The following CSMD1 variants were observed in gnomAD, a reference collection of about 807,000 sequenced individuals.
CSMD1 encodes the protein CUB and sushi domain-containing protein 1.
In CSMD1, 213 loss-of-function variants were observed where a neutral mutation model predicts 417.5. The observed-to-expected ratio is 0.51, with a 90% CI of 0.46 to 0.57. The LOEUF (loss-of-function observed/expected upper bound fraction) is 0.57, where lower values mean the gene tolerates loss of function less well. CSMD1 is among the 20% of genes least tolerant of loss of function. CSMD1 has a pLI of 0.00. For missense variants in CSMD1, 6,923 were observed against 4,529.7 expected, an observed-to-expected ratio of 1.53 and a Z score of -15.17; for synonymous variants, 2,862 against 1,736.8, an observed-to-expected ratio of 1.65 and a Z score of -16.11.
At chr8:3,962,025 T>G (rs184988141) in intron 5 of CSMD1, among the ~76,000 whole-genome samples, 2 of 152,286 alleles carry the variant, frequency 1.3e-5, no homozygotes, top group East Asian at 3.9e-4. Context: ...GTCATCTTAT[T>G]TCCTCAGAGT....
At position 3,637,330 on chromosome 8, in the gene CSMD1, A is replaced by G. The variant is rs190842371; in HGVS notation, c.1010-20533T>C. Among the ~76,000 whole-genome samples, 21 of 152,240 alleles carry G rather than the reference A, an allele frequency of 1.4e-4. No individual in the cohort carries two copies. In the East Asian group the frequency reaches 3.9e-3, roughly 28 times the overall value. Reference sequence around the variant, plus strand: ...AAACAATCTATGTCTAAGATCCTTTATCTGTAGAATGTGGATTCTTATGAG... The same window carrying G: ...AAACAATCTATGTCTAAGATCCTTTGTCTGTAGAATGTGGATTCTTATGAG... On this transcript the variant is annotated intron_variant, in intron 7 of 69. Transcript: ENST00000635120.
At position 3,614,251 on chromosome 8, in the gene CSMD1, A is replaced by G. The variant is rs1299349191; in HGVS notation, c.1097+2459T>C. ...TCCCAAAAAACTAGGAAAGTGACAG[A>G]TTGAAATTCTCTTCTGAGATAAGAT... On this transcript the variant is annotated intron_variant, in intron 8 of 69. Transcript: ENST00000635120. Among the ~76,000 whole-genome samples the G allele has an allele frequency of 3.3e-5, 5 of 152,130 alleles. No homozygotes were observed. The East Asian group carries it at 7.7e-4, about 24-fold the overall frequency.
chr8:4,337,442 T>C (rs192840113), intron 3 of CSMD1, among the ~76,000 whole-genome samples: 2 of 152,260 alleles, frequency 1.3e-5, no homozygotes, highest in African/African-American at 4.8e-5. Flanking sequence ...CTGTTAAATC[T>C]AAATGTCTTT....
intron 3 of CSMD1, among the ~76,000 whole-genome samples, chr8:4,403,135 T>C (rs569008703): frequency 2.0e-5 from 3 of 152,220 alleles, no homozygotes; most frequent in African/African-American, 7.2e-5. Context: ...CCGGCCAAAA[T>C]GTCCTCACTT....
intron 52 of CSMD1, among the ~76,000 whole-genome samples, chr8:3,004,298 G>A (rs572599189): frequency 6.6e-6 from 1 of 152,268 alleles, no homozygotes; most frequent in South Asian, 2.1e-4. Flanking sequence ...ACTGCCCAAT[G>A]TCTCCAACAG....
chr8:3,431,125 T>C (rs957807415), intron 12 of CSMD1, among the ~76,000 whole-genome samples: 2 of 152,080 alleles, frequency 1.3e-5, no homozygotes, highest in African/African-American at 2.4e-5. Flanking sequence ...AAAATGAATA[T>C]GGTTAAAACA....
intron 2 of CSMD1, among the ~76,000 whole-genome samples, chr8:4,568,763 C>T (rs1048886202): frequency 6.6e-6 from 1 of 152,260 alleles, no homozygotes; most frequent in African/African-American, 2.4e-5. Flanking sequence ...CCTAATTCTC[C>T]ATAACCTCTC....
chr8:3,387,194 C>G (rs1340221096), intron 18 of CSMD1, among the ~76,000 whole-genome samples: 1 of 152,136 alleles, frequency 6.6e-6, no homozygotes, highest in Non-Finnish European at 1.5e-5. Flanking sequence ...GCGACTATAC[C>G]GCCCCACGTG....
At chr8:4,134,668 T>C (rs974068273) in intron 3 of CSMD1, among the ~76,000 whole-genome samples, 3 of 152,164 alleles carry the variant, frequency 2.0e-5, no homozygotes, top group Non-Finnish European at 4.4e-5. Context: ...ATCATTCAAA[T>C]TTTCCATCCC....
chr8:4,240,888 C>T (rs569904694), intron 3 of CSMD1, among the ~76,000 whole-genome samples: 4 of 152,222 alleles, frequency 2.6e-5, no homozygotes, highest in Non-Finnish European at 5.9e-5. Context: ...TTCATTCAGG[C>T]GCATGTTACT....
At chr8:4,361,874 G>C (rs911110958) in intron 3 of CSMD1, among the ~76,000 whole-genome samples, 2 of 152,124 alleles carry the variant, frequency 1.3e-5, no homozygotes, top group Admixed American at 1.3e-4. Context: ...AGAATTGCTT[G>C]AACCCGGGAG....
chr8:3,840,328 C>T (rs76300167), intron 5 of CSMD1, among the ~76,000 whole-genome samples: 2,556 of 152,236 alleles, frequency 0.017, 65 homozygotes, highest in African/African-American at 0.057. Context: ...TCTCGCTGTC[C>T]TGTTAACAGA....
intron 5 of CSMD1, among the ~76,000 whole-genome samples, chr8:3,786,954 G>A (rs369417012): frequency 2.4e-4 from 36 of 152,198 alleles, no homozygotes; most frequent in Admixed American, 5.9e-4. Flanking sequence ...GATGGACACC[G>A]GCATTCAATC....
rs35460301 is a variant in CSMD1, at chr8:3,315,437, A to AGTGTGTGTGTGTGTGTGTGT, written c.3632-6954_3632-6935dup. 1.9e-3 allele frequency among the ~76,000 whole-genome samples: 231 copies of AGTGTGTGTGTGTGTGTGTGT among 124,158 alleles called. 1 individual carries two copies. Among genetic ancestry groups the AGTGTGTGTGTGTGTGTGTGT allele is most frequent in the African/African-American group, 5.9e-3 (220 of 37,384 alleles). The allele number at this position is 124,158 out of a possible 152,430, so 81.5% of individuals were successfully genotyped here. A position where few individuals can be genotyped will look rare whatever the true frequency, so the allele number is the denominator to read the frequency against. On this transcript the variant is annotated intron_variant, in intron 23 of 69. Coordinates refer to ENST00000635120, the MANE Select transcript of CSMD1 (RefSeq NM_033225.6). ...CAAGAATGAAATTCTAGGTGAAGTG[A>AGTGTGTGTGTGTGTGTGTGT]GTGTGTGTGTGTGTGTGTGTGTGTG...
intron 25 of CSMD1, among the ~76,000 whole-genome samples, chr8:3,306,160 G>T (rs541214369): frequency 6.6e-6 from 1 of 151,804 alleles, no homozygotes. Context: ...TAAGTTATAG[G>T]GTTGCAGTGA....
intron 2 of CSMD1, among the ~76,000 whole-genome samples, chr8:4,451,699 C>A (rs760660483): frequency 1.1e-4 from 16 of 152,120 alleles, no homozygotes; most frequent in South Asian, 4.1e-4. Flanking sequence ...ATCAGTTCTT[C>A]CAGGCAAAGC....
chr8:3,501,670 C>T (rs1796605944), intron 10 of CSMD1, among the ~76,000 whole-genome samples: 1 of 152,074 alleles, frequency 6.6e-6, no homozygotes, highest in Admixed American at 6.5e-5. Flanking sequence ...AGAAGAAAGG[C>T]CTTTCAAACA....
At chr8:3,908,534 C>A (rs1450584900) in intron 5 of CSMD1, among the ~76,000 whole-genome samples, 2 of 152,126 alleles carry the variant, frequency 1.3e-5, no homozygotes, top group African/African-American at 2.4e-5. Context: ...AAACTCCTAA[C>A]CTAAGGGAAA....
At chr8:4,309,423 A>C (rs1367829675) in intron 3 of CSMD1, among the ~76,000 whole-genome samples, 2 of 151,986 alleles carry the variant, frequency 1.3e-5, no homozygotes, top group Non-Finnish European at 2.9e-5. Context: ...AAAGAAATTA[A>C]ATTCAAAATT....
Sources: allele counts gnomAD v4.1 joint callset (sites outside exome capture counted in the v4.1 genomes callset), GRCh38; gene constraint gnomAD v4.1.1; transcripts MANE v1.5; gene names NCBI Gene and HGNC (gene_info 2026-07-23, HGNC 2026-07-21).